DACH2: variants seen among roughly 807,000 people sequenced by gnomAD.
DACH2 encodes dachshund family transcription factor 2, also known as dachshund homolog 2.
In DACH2, 17 loss-of-function variants were observed where a neutral mutation model predicts 35.8. The observed-to-expected ratio is 0.48, with a 90% CI of 0.33 to 0.71. The LOEUF (loss-of-function observed/expected upper bound fraction) is 0.71. Among genes scored for constraint, DACH2 ranks in the 30% least tolerant of loss-of-function variants. The pLI, the probability that DACH2 is intolerant of heterozygous loss-of-function variation, is 0.02. For synonymous variants in DACH2, 195 were observed against 177.3 expected (o/e 1.10, Z -0.79); for missense variants, 469 against 472.7 (o/e 0.99, Z 0.07).
chrX:86,483,560 G>T (rs774160739), intron 2 of DACH2, among the ~76,000 whole-genome samples: 101 of 111,343 alleles, frequency 9.1e-4, no homozygotes, highest in African/African-American at 3.1e-3. Context: ...GCTGTGTGTG[G>T]TGGCTCGTGC....
chrX:86,610,603 A>G (rs1264706467), intron 3 of DACH2, among the ~76,000 whole-genome samples: 1 of 108,089 alleles, frequency 9.3e-6, no homozygotes, highest in Non-Finnish European at 1.9e-5. Context: ...GTGCAGACCA[A>G]GCTCAGTTAA....
At chrX:86,563,976 A>T (rs755772311) in intron 3 of DACH2, among the ~76,000 whole-genome samples, 4 of 111,143 alleles carry the variant, frequency 3.6e-5, no homozygotes, top group African/African-American at 6.5e-5. Context: ...CTTAATTTTT[A>T]AAAATTTTCT....
chrX:86,641,448 G>A (rs1164056387), intron 3 of DACH2, among the ~76,000 whole-genome samples: 3 of 111,860 alleles, frequency 2.7e-5, no homozygotes, highest in African/African-American at 9.7e-5. Flanking sequence ...AGGAAATATG[G>A]GATTATGTAA....
chrX:86,320,376 A>G (rs1479441086), intron 1 of DACH2, among the ~76,000 whole-genome samples: 1 of 112,241 alleles, frequency 8.9e-6, no homozygotes, highest in Non-Finnish European at 1.9e-5. Context: ...AGTGATTCTT[A>G]CCATTTTTTT....
At chrX:86,177,629 G>A (rs1471683982) in intron 1 of DACH2, among the ~76,000 whole-genome samples, 2 of 111,203 alleles carry the variant, frequency 1.8e-5, no homozygotes, top group African/African-American at 6.5e-5. Context: ...TCTTAATAGA[G>A]TATTTGGAAA....
chrX:86,545,103 G>C (rs1211690922), intron 3 of DACH2, among the ~76,000 whole-genome samples: 1 of 112,051 alleles, frequency 8.9e-6, no homozygotes, highest in East Asian at 2.8e-4. Flanking sequence ...CCTTGCATGA[G>C]TATTTTCATT....
At chrX:86,250,001 A>G (rs1304140246) in intron 1 of DACH2, among the ~76,000 whole-genome samples, 1 of 110,854 alleles carries the variant, frequency 9.0e-6, no homozygotes, top group African/African-American at 3.3e-5. Context: ...GCTAAACATC[A>G]AATACATATG....
chrX:86,434,739 G>A lies in DACH2; in HGVS notation c.527+57877G>A, dbSNP rs763315736. Among the ~76,000 whole-genome samples the A allele has an allele frequency of 9.9e-5, 11 of 111,429 alleles. No homozygotes were observed. In the South Asian group the frequency reaches 3.8e-3, roughly 38 times the overall value. On this transcript the variant is annotated intron_variant, in intron 2 of 11. Transcript: ENST00000373125. ...TAGTCCATTCTTGCATTGCTATAAA[G>A]AAATACCAGAGACTGGGTAATTTTT...
At chrX:86,710,299 G>C (rs1484553378) in intron 5 of DACH2, among the ~76,000 whole-genome samples, 1 of 112,070 alleles carries the variant, frequency 8.9e-6, no homozygotes, top group Non-Finnish European at 1.9e-5. Flanking sequence ...TAACTAGGTA[G>C]CATTCAGGTA....
At chrX:86,732,387 C>T (rs1163523488) in intron 6 of DACH2, among the ~76,000 whole-genome samples, 1 of 112,089 alleles carries the variant, frequency 8.9e-6, no homozygotes, top group Non-Finnish European at 1.9e-5. Flanking sequence ...AGAAAAGAAA[C>T]AGACATAGAA....
chrX:86,562,652 A>G (rs867303829), intron 3 of DACH2, among the ~76,000 whole-genome samples: 1 of 111,792 alleles, frequency 8.9e-6, no homozygotes, highest in African/African-American at 3.2e-5. Flanking sequence ...TTTTGTGTGT[A>G]TGTATAAAAC....
intron 3 of DACH2, among the ~76,000 whole-genome samples, chrX:86,636,678 C>T (rs369065761): frequency 2.3e-4 from 26 of 110,835 alleles, no homozygotes; most frequent in East Asian, 2.3e-3. Context: ...TGACACTGTA[C>T]CCCATTCTTA....
chrX:86,807,474 C>G (rs1468218453), intron 7 of DACH2, among the ~76,000 whole-genome samples: 2 of 111,614 alleles, frequency 1.8e-5, no homozygotes, highest in East Asian at 2.8e-4. Flanking sequence ...AGCAGGGATT[C>G]AAACCCAAGC....
At chrX:86,699,938 C>A (rs1460912802) in intron 5 of DACH2, among the ~76,000 whole-genome samples, 1 of 111,544 alleles carries the variant, frequency 9.0e-6, no homozygotes, top group Non-Finnish European at 1.9e-5. Context: ...TTCTTGATTT[C>A]TGCCTTAATT....
At chrX:86,425,471 T>C (rs1050436147) in intron 2 of DACH2, among the ~76,000 whole-genome samples, 4 of 111,127 alleles carry the variant, frequency 3.6e-5, no homozygotes, top group African/African-American at 1.3e-4. Flanking sequence ...TGACATATAA[T>C]TGCTCATAAC....
chrX:86,737,797 C>G (rs912344536), intron 6 of DACH2, among the ~76,000 whole-genome samples: 2 of 111,417 alleles, frequency 1.8e-5, no homozygotes, highest in African/African-American at 6.5e-5. Flanking sequence ...GATACATGTG[C>G]AAGTTTTTTA....
intron 2 of DACH2, among the ~76,000 whole-genome samples, chrX:86,382,013 A>C (rs2036053342): frequency 9.0e-6 from 1 of 111,344 alleles, no homozygotes; most frequent in Non-Finnish European, 1.9e-5. Flanking sequence ...TCTGATTCAG[A>C]AGAAAATATT....
chrX:86,489,119 G>A (rs1291858783), intron 2 of DACH2, among the ~76,000 whole-genome samples: 2 of 111,201 alleles, frequency 1.8e-5, no homozygotes, highest in African/African-American at 6.5e-5. Flanking sequence ...TTACACTAAT[G>A]TTATGTTTTC....
At chrX:86,805,032 T>G (rs921515038) in intron 7 of DACH2, among the ~76,000 whole-genome samples, 1 of 112,317 alleles carries the variant, frequency 8.9e-6, no homozygotes, top group African/African-American at 3.2e-5. Flanking sequence ...GCTCCACTAC[T>G]AGGCAGTGCC....
Sources: gnomAD v4.1 joint callset for allele counts (sites outside exome capture counted in the v4.1 genomes callset) on GRCh38, gnomAD v4.1.1 for gene constraint, MANE v1.5 for transcripts, NCBI Gene and HGNC (gene_info 2026-07-23, HGNC 2026-07-21) for gene names.